Variants in CNTN5 observed in about 807,000 individuals in gnomAD.
CNTN5 encodes contactin-5.
A neutral mutation model predicts 129.1 loss-of-function variants in CNTN5; 77 were observed. The observed-to-expected ratio is 0.60, with a 90% CI of 0.50 to 0.72. CNTN5 has a LOEUF of 0.72. CNTN5 is among the 30% of genes least tolerant of loss of function. CNTN5 has a pLI of 0.00. For synonymous variants in CNTN5, 509 were observed against 465.6 expected, an observed-to-expected ratio of 1.09 and a Z score of -1.20; for missense variants, 1,478 against 1,328.8, an observed-to-expected ratio of 1.11 and a Z score of -1.75.
intron 1 of CNTN5, among the ~76,000 whole-genome samples, chr11:99,266,905 A>G (rs1466639856): frequency 6.6e-6 from 1 of 152,050 alleles, no homozygotes; most frequent in Admixed American, 6.6e-5. Flanking sequence ...CAGTGTTTTT[A>G]TGGAATTGCA....
At chr11:100,284,597 C>G (rs561123945) in intron 18 of CNTN5, among the ~76,000 whole-genome samples, 3 of 152,196 alleles carry the variant, frequency 2.0e-5, no homozygotes, top group East Asian at 3.9e-4. Flanking sequence ...AAAGTAAATA[C>G]AGCATTGTCA....
intron 13 of CNTN5, among the ~76,000 whole-genome samples, chr11:100,153,385 G>GTCTC (rs1288075463): frequency 6.6e-6 from 1 of 152,062 alleles, no homozygotes; most frequent in African/African-American, 2.4e-5. Context: ...GTTATGTGAT[G>GTCTC]TCTCTGATAA....
chr11:99,223,681 A>G (rs943671596), intron 1 of CNTN5, among the ~76,000 whole-genome samples: 1 of 152,186 alleles, frequency 6.6e-6, no homozygotes, highest in Non-Finnish European at 1.5e-5. Flanking sequence ...AGAAGTCCCC[A>G]TTATTCCAGG....
At chr11:99,108,251 A>G (rs1433454250) in intron 1 of CNTN5, among the ~76,000 whole-genome samples, 1 of 152,156 alleles carries the variant, frequency 6.6e-6, no homozygotes, top group African/African-American at 2.4e-5. Flanking sequence ...CTTTAATGCT[A>G]AAGACAAATT....
chr11:99,160,313 A>C (rs1860546382), intron 1 of CNTN5, among the ~76,000 whole-genome samples: 1 of 152,212 alleles, frequency 6.6e-6, no homozygotes. Flanking sequence ...AGATTTCCTG[A>C]AGTATGTGCA....
At chr11:100,081,484 T>C (rs1466546865) in intron 13 of CNTN5, among the ~76,000 whole-genome samples, 1 of 152,092 alleles carries the variant, frequency 6.6e-6, no homozygotes, top group Admixed American at 6.6e-5. Context: ...GGCTTGAACC[T>C]CCCTCCCACC....
chr11:99,423,054 C>T (rs1942969739), intron 2 of CNTN5, among the ~76,000 whole-genome samples: 1 of 152,128 alleles, frequency 6.6e-6, no homozygotes, highest in African/African-American at 2.4e-5. Context: ...ACTGCAGGTA[C>T]AGCAAAATAC....
chr11:99,572,844 G>A (rs1690803), intron 3 of CNTN5, among the ~76,000 whole-genome samples: 107,316 of 151,832 alleles, frequency 0.71, 40,316 homozygotes, highest in Non-Finnish European at 0.85. Context: ...ATATATTGGC[G>A]GTTAGAAACA....
intron 2 of CNTN5, among the ~76,000 whole-genome samples, chr11:99,418,490 C>T (rs894623270): frequency 1.3e-5 from 2 of 152,096 alleles, no homozygotes; most frequent in Non-Finnish European, 2.9e-5. Context: ...ATAATTGATG[C>T]TGCAAATTTT....
At chr11:99,029,063 G>A (rs1044757190) in intron 1 of CNTN5, among the ~76,000 whole-genome samples, 28 of 151,386 alleles carry the variant, frequency 1.8e-4, no homozygotes, top group Non-Finnish European at 2.5e-4. Flanking sequence ...CTTTCTTTAC[G>A]TACAAAATAC....
intron 1 of CNTN5, among the ~76,000 whole-genome samples, chr11:99,301,335 A>C (rs903021520): frequency 8.6e-5 from 13 of 151,794 alleles, no homozygotes; most frequent in African/African-American, 3.1e-4. Context: ...AAAAGGTCCA[A>C]GATTTACAAG....
intron 2 of CNTN5, among the ~76,000 whole-genome samples, chr11:99,452,372 GTT>G (rs71463577): frequency 2.0e-4 from 21 of 104,340 alleles, no homozygotes; most frequent in South Asian, 3.8e-4. Flanking sequence ...AAACACAGGT[GTT>G]TTTTTTTTTT....
chr11:100,083,742 C>CACTT (rs1435186246), intron 13 of CNTN5, among the ~76,000 whole-genome samples: 2 of 151,968 alleles, frequency 1.3e-5, no homozygotes, highest in Non-Finnish European at 2.9e-5. Flanking sequence ...TAATGGCATC[C>CACTT]ACTTAAACAC....
intron 20 of CNTN5, among the ~76,000 whole-genome samples, chr11:100,301,481 A>C (rs566643606): frequency 6.6e-6 from 1 of 151,440 alleles, no homozygotes; most frequent in Non-Finnish European, 1.5e-5. Flanking sequence ...AACATATTTC[A>C]TAGTAATGTA....
In CNTN5 at chr11:99,866,955, A is replaced by C. The variant is rs145114323; in HGVS notation, c.577+21693A>C. ...GCTTGGGTTATTTGGAATTGTATAG[A>C]TAGTTGGAGGTTTTTACAATTTTAG... is the stretch of plus-strand genomic sequence containing the variant. On this transcript the variant is annotated intron_variant, in intron 6 of 24. Transcript: ENST00000524871. Among the ~76,000 whole-genome samples the C allele has an allele frequency of 3.3e-4, 50 of 152,324 alleles. 1 individual carries two copies. Among genetic ancestry groups the C allele is most frequent in the African/African-American group, 1.1e-3 (46 of 41,586 alleles).
At chr11:99,725,915 C>T (rs1445543215) in intron 3 of CNTN5, among the ~76,000 whole-genome samples, 1 of 152,148 alleles carries the variant, frequency 6.6e-6, no homozygotes, top group Non-Finnish European at 1.5e-5. Context: ...TCTCCAAATC[C>T]TCTCCATTAG....
intron 1 of CNTN5, among the ~76,000 whole-genome samples, chr11:99,315,244 G>T (rs56316662): frequency 2.0e-5 from 3 of 148,796 alleles, no homozygotes; most frequent in African/African-American, 7.3e-5. Flanking sequence ...GAAAAAAAAA[G>T]TATTACAAAT....
At chr11:99,950,467 C>T (rs577879113) in intron 7 of CNTN5, among the ~76,000 whole-genome samples, 1 of 151,984 alleles carries the variant, frequency 6.6e-6, no homozygotes, top group East Asian at 1.9e-4. Flanking sequence ...GGTGACAGAG[C>T]GAGACTCCGT....
chr11:100,095,163 G>T (rs914770538), intron 13 of CNTN5, among the ~76,000 whole-genome samples: 11 of 151,998 alleles, frequency 7.2e-5, no homozygotes, highest in Non-Finnish European at 1.5e-4. Flanking sequence ...TTCCAACTTA[G>T]AGGATGGATA....
Sources: allele counts gnomAD v4.1 joint callset (sites outside exome capture counted in the v4.1 genomes callset), GRCh38; gene constraint gnomAD v4.1.1; transcripts MANE v1.5; gene names NCBI Gene and HGNC (gene_info 2026-07-23, HGNC 2026-07-21).